The following ACACB variants were observed in gnomAD, a reference collection of about 807,000 sequenced individuals.
ACACB encodes the protein acetyl-CoA carboxylase 2.
Under a neutral mutation model 278.8 loss-of-function variants are expected in ACACB, and 209 were observed. The ratio of observed to expected loss-of-function variants is 0.75; its 90% CI spans 0.67 to 0.84. The LOEUF is 0.84. Among genes scored for constraint, ACACB ranks in the 40% least tolerant of loss-of-function variants. The probability of loss-of-function intolerance (pLI) is 0.00; values close to 1 mark genes in which losing one functional copy is unlikely to be tolerated. For missense variants in ACACB, 2,850 were observed against 3,269.0 expected, an observed-to-expected ratio of 0.87 and a Z score of 3.13; for synonymous variants, 1,174 against 1,285.6, an observed-to-expected ratio of 0.91 and a Z score of 1.86.
intron 1 of ACACB, among the ~76,000 whole-genome samples, chr12:109,120,787 G>A (rs1007086908): frequency 6.6e-6 from 1 of 152,144 alleles, no homozygotes; most frequent in Non-Finnish European, 1.5e-5. Context: ...GCCCAGCCCG[G>A]GGCCCAGCTC....
intron 22 of ACACB, among the ~76,000 whole-genome samples, chr12:109,214,498 C>G (rs755761192): frequency 1.3e-5 from 2 of 152,168 alleles, no homozygotes; most frequent in African/African-American, 2.4e-5. Flanking sequence ...ACATAGACTG[C>G]TAACCTTAAG....
intron 24 of ACACB, among the ~76,000 whole-genome samples, chr12:109,217,568 G>A (rs1264962139): frequency 6.6e-6 from 1 of 152,152 alleles, no homozygotes; most frequent in East Asian, 1.9e-4. Context: ...GGTGGCTGAG[G>A]CAGGAGAATC....
At chr12:109,115,304 A>G (rs141386202), upstream of ACACB, among the ~76,000 whole-genome samples, 509 of 152,292 alleles carry the variant, frequency 3.3e-3, 3 homozygotes, top group African/African-American at 0.011. Flanking sequence ...TTCAAAGCCT[A>G]ATAGTCCTGC....
In ACACB at chr12:109,256,248, G is replaced by A; in HGVS notation, c.6263+12G>A. On this transcript the variant is annotated intron_variant, in intron 45 of 52. Transcript: ENST00000338432. ...ACAGGACGAGCAAGGTAATCATGAA[G>A]ACGGGAGCAGGCTGCCCATGTCTGA... The A allele has an allele frequency of 6.2e-7, 1 of 1,611,894 alleles. No individual in the cohort carries two copies. Among genetic ancestry groups the A allele is most frequent in the Non-Finnish European group, 8.5e-7 (1 of 1,178,136 alleles).
At chr12:109,209,465 A>G in intron 21 of ACACB, 112 bp downstream of exon 21, 3 of 1,075,608 alleles carry the variant, frequency 2.8e-6, no homozygotes, top group Non-Finnish European at 4.0e-6. Flanking sequence ...AGACCCACTT[A>G]TAGCCTAACA....
chr12:109,265,083 G>T (rs760259500), intron 50 of ACACB, 27 bp from the exon 51 acceptor site: 32 of 1,585,178 alleles, frequency 2.0e-5, no homozygotes, highest in Non-Finnish European at 2.7e-5. Flanking sequence ...TTCCCTTTCC[G>T]GGGATTCAAG....
At chr12:109,237,129 G>C in intron 33 of ACACB, 36 bp from the exon 34 acceptor site, 1 of 1,606,594 alleles carries the variant, frequency 6.2e-7, no homozygotes, top group Non-Finnish European at 8.5e-7. Context: ...CGCTGTGTGT[G>C]TATGTGTCTG....
chr12:109,264,459 T>C, intron 50 of ACACB, 73 bp downstream of exon 50: 1 of 1,502,424 alleles, frequency 6.7e-7, no homozygotes, highest in African/African-American at 1.4e-5. Flanking sequence ...ACATTTGGGC[T>C]CGGGGGCGGG....
At chr12:109,184,099 C>T (rs1463208993) in intron 11 of ACACB, among the ~76,000 whole-genome samples, 1 of 151,534 alleles carries the variant, frequency 6.6e-6, no homozygotes, top group Admixed American at 6.6e-5. Flanking sequence ...TTCACCCAGG[C>T]TGGAGTGCAG....
intron 47 of ACACB, chr12:109,260,090 G>A (rs764494100): frequency 7.3e-6 from 10 of 1,364,032 alleles, no homozygotes; most frequent in Admixed American, 1.9e-5. Flanking sequence ...GGAGAGATGT[G>A]TCTTGGTGGA....
At position 109,253,092 on chromosome 12, in the gene ACACB, C is replaced by G; in HGVS notation, c.5979C>G (p.His1993Gln). ...VQIMHYNGVSHITVPDDFEGV... is the reference protein window; with the variant it reads ...VQIMHYNGVSQITVPDDFEGV... ...TCATGCATTACAATGGTGTCTCCCA[C>G]ATCACCGTGCCAGATGACTTTGAGG... The change falls in exon 43 of 53, where the codon CAC (histidine) becomes CAG (glutamine). Residue 1993 changes from histidine to glutamine, a missense_variant. Transcript: ENST00000338432. The G allele has an allele frequency of 1.9e-6, 3 of 1,613,598 alleles. No individual in the cohort carries two copies. The highest frequency in any genetic ancestry group is 2.5e-6 in the Non-Finnish European group (3 of 1,179,732).
upstream of ACACB, among the ~76,000 whole-genome samples, chr12:109,115,223 A>C (rs563600741): frequency 3.9e-5 from 6 of 152,334 alleles, 1 homozygote; most frequent in South Asian, 1.2e-3. Context: ...GTTGATGAGG[A>C]CACTGAAGCT....
At chr12:109,132,927 T>C (rs148126689) in intron 1 of ACACB, among the ~76,000 whole-genome samples, 2 of 152,312 alleles carry the variant, frequency 1.3e-5, no homozygotes, top group East Asian at 3.9e-4. Flanking sequence ...GAGCCTCCGC[T>C]GTACAACTTG....
intron 3 of ACACB, 94 bp from the exon 4 acceptor site, chr12:109,167,802 A>T (rs1263547877): frequency 4.5e-6 from 7 of 1,564,414 alleles, no homozygotes; most frequent in Non-Finnish European, 6.1e-6. Flanking sequence ...GGGCTGCAGG[A>T]GGCTCTGCAG....
Position 109,212,832 on chromosome 12 carries a change from C to G in ACACB, c.3250-4C>G. 1 of 1,613,632 alleles carries G rather than the reference C, an allele frequency of 6.2e-7. No individual in the cohort carries two copies. The highest frequency in any genetic ancestry group is 8.5e-7 in the Non-Finnish European group (1 of 1,179,598). Reference sequence around the variant, plus strand: ...AGTCAGACCTGTCTTGTTTTCCCATCCAGATAGCCACCATCCTGGACTGCC... The same window carrying G: ...AGTCAGACCTGTCTTGTTTTCCCATGCAGATAGCCACCATCCTGGACTGCC... On this transcript the variant is annotated splice_polypyrimidine_tract_variant and splice_region_variant and intron_variant, in intron 21 of 52. Transcript: ENST00000338432.
At position 109,267,923 on chromosome 12, in the gene ACACB, G is replaced by C. The variant is rs1341247188; in HGVS notation, c.*1561G>C. 2 of 152,310 alleles carry C rather than the reference G, an allele frequency of 1.3e-5. No individual in the cohort carries two copies. Among genetic ancestry groups the C allele is most frequent in the East Asian group, 3.9e-4 (2 of 5,174 alleles). 9.4% of individuals were successfully genotyped at this position (152,310 alleles called of 1,614,324 possible). A position where few individuals can be genotyped will look rare whatever the true frequency, so the allele number is the denominator to read the frequency against. The stretch of plus-strand genomic sequence containing the variant: ...TTGCCCAGGGAAGCCTCCAAAAGCT[G>C]GGATGCTTGAGGGTATCCAAGTTGA... On this transcript the variant is annotated 3_prime_UTR_variant, in exon 53 of 53. Coordinates refer to ENST00000338432, the MANE Select transcript of ACACB (RefSeq NM_001093.4).
chr12:109,163,691 C>T (rs2043809107), intron 2 of ACACB, among the ~76,000 whole-genome samples: 1 of 152,146 alleles, frequency 6.6e-6, no homozygotes, highest in African/African-American at 2.4e-5. Flanking sequence ...ACTCTATTGC[C>T]CAGGCTGGAG....
chr12:109,142,097 G>A (rs1427145543), intron 2 of ACACB, among the ~76,000 whole-genome samples: 1 of 151,634 alleles, frequency 6.6e-6, no homozygotes, highest in African/African-American at 2.4e-5. Flanking sequence ...AAAAAATTAA[G>A]AATTTGCCAG....
At position 109,179,937 on chromosome 12, in the gene ACACB, G is replaced by A; in HGVS notation, c.1668G>A (p.Lys556=). The part of the protein sequence containing the change: ...FMEQCAIRLA[K]TVGYVSAGTV... ...CACAGTGTGCCATCCGCCTGGCCAA[G>A]ACCGTGGGCTATGTGAGTGCAGGGA... Residue 556 remains lysine, a synonymous_variant, in exon 11 of 53, where the codon AAG becomes AAA. Coordinates refer to ENST00000338432, the MANE Select transcript of ACACB (RefSeq NM_001093.4). 1.2e-6 allele frequency: 2 copies of A among 1,608,716 alleles called. No individual in the cohort carries two copies. Among genetic ancestry groups the A allele is most frequent in the South Asian group, 1.1e-5 (1 of 90,986 alleles).
Sources: allele counts gnomAD v4.1 joint callset (sites outside exome capture counted in the v4.1 genomes callset), GRCh38; gene constraint gnomAD v4.1.1; transcripts MANE v1.5; gene names NCBI Gene and HGNC (gene_info 2026-07-23, HGNC 2026-07-21).